ITPR3: variants seen among roughly 807,000 people sequenced by gnomAD.
ITPR3 encodes the protein inositol 1,4,5-trisphosphate-gated calcium channel ITPR3.
In ITPR3, 173 loss-of-function variants were observed where a neutral mutation model predicts 293.2. That is an observed-to-expected ratio of 0.59 (90% CI 0.52 to 0.67). ITPR3 has a LOEUF of 0.67. Among genes scored for constraint, ITPR3 ranks in the 30% least tolerant of loss-of-function variants. ITPR3 has a pLI of 0.00. For missense variants in ITPR3, 2,796 were observed against 3,592.1 expected (o/e 0.78, Z 5.66); for synonymous variants, 1,295 against 1,444.4 (o/e 0.90, Z 2.35).
At chr6:33,630,886 T>C (rs1447131094) in intron 1 of ITPR3, among the ~76,000 whole-genome samples, 1 of 152,260 alleles carries the variant, frequency 6.6e-6, no homozygotes, top group Non-Finnish European at 1.5e-5. Flanking sequence ...CAGGGTGGAT[T>C]CTTGGTAAAG....
chr6:33,684,497 G>A lies in ITPR3; in HGVS notation c.5046+32G>A. 1.9e-6 allele frequency: 3 copies of A among 1,606,772 alleles called. No individual in the cohort carries two copies. Among genetic ancestry groups the A allele is most frequent in the South Asian group, 1.1e-5 (1 of 90,916 alleles). On this transcript the variant is annotated intron_variant, in intron 37 of 57. Coordinates refer to ENST00000605930, the MANE Select transcript of ITPR3 (RefSeq NM_002224.4). This position sits in a 1 kb window ranked among gnomAD's most constrained non-coding sequence, Gnocchi z 4.2. ...GCCCTGGTGGGGCAAGTGCTGGGTGGGCCAGTCAGGAGTACCCAGGGGCTC... is the reference window on the plus strand; with the variant it reads ...GCCCTGGTGGGGCAAGTGCTGGGTGAGCCAGTCAGGAGTACCCAGGGGCTC...
intron 28 of ITPR3, 27 bp downstream of exon 28, chr6:33,677,656 CCCCAGGGTGGCTT>C (rs1764944665): frequency 6.2e-7 from 1 of 1,609,320 alleles, no homozygotes; most frequent in East Asian, 2.2e-5. Context: ...ACCTCTGACT[CCCCAGGGTGGCTT>C]CCCCCTGAAC....
intron 49 of ITPR3, 142 bp from the exon 50 acceptor site, chr6:33,689,096 T>G (rs1582166378): frequency 1.0e-6 from 1 of 977,092 alleles, no homozygotes. Flanking sequence ...GAGGCAGGTG[T>G]AATGGAGGAG....
At chr6:33,657,811 G>A in intron 3 of ITPR3, 121 bp from the exon 4 acceptor site, 1 of 754,818 alleles carries the variant, frequency 1.3e-6, no homozygotes. Context: ...GGAGTCCAGG[G>A]TGACTGTGTG....
Position 33,672,157 on chromosome 6 carries a change from A to G in ITPR3, c.2857A>G (p.Arg953Gly). 1 of 1,614,112 alleles carries G rather than the reference A, an allele frequency of 6.2e-7. No homozygotes were observed. The highest frequency in any genetic ancestry group is 8.5e-7 in the Non-Finnish European group (1 of 1,180,032). The part of the protein sequence containing the change: ...AGASAAEPLD[R>G]SKFEENEDIV... ...GGCCAGTGCTGCTGAGCCGCTGGACAGAAGCAAGTTTGAGGAGAATGAGGA... is the reference window on the plus strand; with the variant it reads ...GGCCAGTGCTGCTGAGCCGCTGGACGGAAGCAAGTTTGAGGAGAATGAGGA... The change falls in exon 22 of 58, where the codon AGA becomes GGA. Residue 953 changes from arginine to glycine, a missense_variant. Transcript: ENST00000605930. This position sits in a 1 kb window ranked among gnomAD's most constrained non-coding sequence, Gnocchi z 5.0.
intron 9 of ITPR3, 42 bp downstream of exon 9, chr6:33,663,048 T>C (rs1244294362): frequency 6.6e-7 from 1 of 1,523,756 alleles, no homozygotes; most frequent in Non-Finnish European, 9.0e-7. Context: ...CGTGTGTGCA[T>C]GTACACGTGG....
intron 1 of ITPR3, among the ~76,000 whole-genome samples, chr6:33,636,801 A>AG (rs1431421333): frequency 6.6e-6 from 1 of 152,040 alleles, no homozygotes. Flanking sequence ...GGTGCTTTTA[A>AG]GTTCATGAGT....
rs1765118792 is a variant in ITPR3, at chr6:33,683,003, A to C, written c.4598-204A>C. Reference sequence around the variant, plus strand: ...AGTCAGGGTAGAGCCGGGGGGAATCAAAGAGGCAGAAACTCCTTTTACCCA... The same window carrying C: ...AGTCAGGGTAGAGCCGGGGGGAATCCAAGAGGCAGAAACTCCTTTTACCCA... On this transcript the variant is annotated intron_variant, in intron 34 of 57. Transcript: ENST00000605930. The surrounding 1 kb of genome is among the most constrained non-coding windows in gnomAD (Gnocchi z 4.5). Among the ~76,000 whole-genome samples, 1 of 151,886 alleles carries C rather than the reference A, an allele frequency of 6.6e-6. No individual in the cohort carries two copies. The highest frequency in any genetic ancestry group is 1.5e-5 in the Non-Finnish European group (1 of 67,960).
At position 33,669,135 on chromosome 6, in the gene ITPR3, A is replaced by G. The variant is rs752645069; in HGVS notation, c.2168A>G (p.Glu723Gly). ...GCGCGGGCCGGCAACGCCCACGACG[A>G]GAATGTGCTCAGCTACTACAGGTGC... The part of the protein sequence containing the change: ...QEARAGNAHD[E>G]NVLSYYRYQL... The change falls in exon 18 of 58, where the codon GAG becomes GGG. Residue 723 changes from glutamate (E) to glycine (G), a missense_variant. This residue lies in a region of ITPR3 where 955 missense variants were observed against 1,180.8 expected (regional missense o/e 0.81). Coordinates refer to ENST00000605930, the MANE Select transcript of ITPR3 (RefSeq NM_002224.4). The G allele has an allele frequency of 3.7e-6, 6 of 1,613,842 alleles. No individual in the cohort carries two copies. The African/African-American group carries it at 8.0e-5, about 22-fold the overall frequency.
chr6:33,683,890 C>A lies in ITPR3; in HGVS notation c.4789-130C>A. The A allele has an allele frequency of 1.0e-6, 1 of 1,003,950 alleles. No homozygotes were observed. Among genetic ancestry groups the A allele is most frequent in the Non-Finnish European group, 1.4e-6 (1 of 692,092 alleles). 62.2% of individuals were successfully genotyped at this position (1,003,950 alleles called of 1,614,324 possible). ...ACATCACGCTGTGTTCAGGGTGTCT[C>A]TGTGGGTGTGGGCCCCTCAGACAGA... On this transcript the variant is annotated intron_variant, in intron 35 of 57. Coordinates refer to ENST00000605930, the MANE Select transcript of ITPR3 (RefSeq NM_002224.4). This position sits in a 1 kb window ranked among gnomAD's most constrained non-coding sequence, Gnocchi z 4.5.
intron 50 of ITPR3, 51 bp downstream of exon 50, chr6:33,689,461 C>A: frequency 6.3e-7 from 1 of 1,586,866 alleles, no homozygotes; most frequent in Non-Finnish European, 8.6e-7. Context: ...GCTCACTGTG[C>A]ATTCAGACGG....
intron 7 of ITPR3, among the ~76,000 whole-genome samples, chr6:33,661,422 C>T (rs1411009723): frequency 6.6e-6 from 1 of 152,182 alleles, no homozygotes; most frequent in African/African-American, 2.4e-5. Context: ...GTTGCATGAC[C>T]CTCGGCAGGA....
chr6:33,677,483 G>A (rs1458058910), intron 27 of ITPR3, 21 bp from the exon 28 acceptor site: 20 of 1,612,748 alleles, frequency 1.2e-5, no homozygotes, highest in Non-Finnish European at 1.7e-5. Context: ...AGGGGCTCTG[G>A]CTCACCCGCC....
At position 33,647,316 on chromosome 6, in the gene ITPR3, G is replaced by A. The variant is rs145720849; in HGVS notation, c.160+6762G>A. Among the ~76,000 whole-genome samples the A allele has an allele frequency of 1.2e-3, 178 of 152,284 alleles. 1 individual carries two copies. Among genetic ancestry groups the A allele is most frequent in the Admixed American group, 2.2e-3 (33 of 15,294 alleles). On this transcript the variant is annotated intron_variant, in intron 2 of 57. Coordinates refer to ENST00000605930, the MANE Select transcript of ITPR3 (RefSeq NM_002224.4). ...ATTGGGATTACAGGTGTGAGCCACT[G>A]TGCCTGGCAAAAGTCACTTATTTTT...
In ITPR3 at chr6:33,655,843, G is replaced by C. The variant is rs1764293382; in HGVS notation, c.238G>C (p.Asp80His). 6.2e-7 allele frequency: 1 copy of C among 1,613,992 alleles called. No individual in the cohort carries two copies. Among genetic ancestry groups the C allele is most frequent in the South Asian group, 1.1e-5 (1 of 91,086 alleles). Residue 80 changes from aspartate (D) to histidine (H), a missense_variant, in exon 3 of 58, where the codon GAC becomes CAC. Asp to His is a moderately conservative substitution (Grantham distance 81). Coordinates refer to ENST00000605930, the MANE Select transcript of ITPR3 (RefSeq NM_002224.4). The surrounding 1 kb of genome is among the most constrained non-coding windows in gnomAD (Gnocchi z 4.9). ...QYWKAKQTKQDKEKIADVVLL... is the reference protein window; with the variant it reads ...QYWKAKQTKQHKEKIADVVLL... The stretch of plus-strand genomic sequence containing the variant: ...CTGGAAGGCCAAGCAGACTAAGCAG[G>C]ACAAGGAGAAGATCGCTGATGTGGT...
In ITPR3 at chr6:33,667,283, A is replaced by G; in HGVS notation, c.1706A>G (p.Lys569Arg). The change falls in exon 15 of 58, where the codon AAG becomes AGG. Residue 569 changes from lysine (K) to arginine (R), a missense_variant. Physicochemically the swap from Lys to Arg is conservative, Grantham distance 26. This residue lies in a region of ITPR3 where 955 missense variants were observed against 1,180.8 expected (regional missense o/e 0.81). Coordinates refer to ENST00000605930, the MANE Select transcript of ITPR3 (RefSeq NM_002224.4). This position sits in a 1 kb window ranked among gnomAD's most constrained non-coding sequence, Gnocchi z 4.4. ...VLRHSQEDYR[K>R]NQEHIAKQFG... ...CGGCATTCCCAGGAGGACTACCGCA[A>G]GAACCAGGTGCGCCGCTGCCCTGCT... is the stretch of plus-strand genomic sequence containing the variant. 1.2e-6 allele frequency: 2 copies of G among 1,612,160 alleles called. No individual in the cohort carries two copies. Among genetic ancestry groups the G allele is most frequent in the South Asian group, 1.1e-5 (1 of 90,976 alleles).
Position 33,665,948 on chromosome 6 carries a change from T to C in ITPR3, c.1523T>C (p.Leu508Pro), listed in dbSNP as rs779581889. The C allele has an allele frequency of 2.9e-5, 47 of 1,613,000 alleles. No homozygotes were observed. Among genetic ancestry groups the C allele is most frequent in the Non-Finnish European group, 4.0e-5 (47 of 1,179,536 alleles). Residue 508 changes from leucine (L) to proline (P), a missense_variant, in exon 14 of 58, where the codon CTG becomes CCG. By Grantham distance (98) the Leu-to-Pro change is moderately conservative. Around this residue, in one of 8 missense-constraint regions of ITPR3, gnomAD observed 955 missense variants for 1,180.8 expected, o/e 0.81. Transcript: ENST00000605930. ...VTKPNRERQK[L>P]MREQNILKQV... Reference sequence around the variant, plus strand: ...AAGCCCAACCGGGAACGGCAGAAGCTGATGAGGGAGCAGAACATCCTCAAA... The same window carrying C: ...AAGCCCAACCGGGAACGGCAGAAGCCGATGAGGGAGCAGAACATCCTCAAA...
chr6:33,663,034 G>T lies in ITPR3; in HGVS notation c.954+28G>T, dbSNP rs1348943288. On this transcript the variant is annotated intron_variant, in intron 9 of 57. Transcript: ENST00000605930. ...GAGCGGGAGGTAGAGGGCATGCTGG[G>T]GCTCGTGTGTGCATGTACACGTGGG... is the stretch of plus-strand genomic sequence containing the variant. 1.9e-6 allele frequency: 3 copies of T among 1,566,666 alleles called. No homozygotes were observed. In the African/African-American group the frequency reaches 4.0e-5, roughly 21 times the overall value.
chr6:33,649,608 A>G (rs1461250202), intron 2 of ITPR3, among the ~76,000 whole-genome samples: 2 of 152,232 alleles, frequency 1.3e-5, no homozygotes, highest in African/African-American at 4.8e-5. Flanking sequence ...GTTTTGTTCT[A>G]TAGGTTGAGT....
Sources: allele counts gnomAD v4.1 joint callset (sites outside exome capture counted in the v4.1 genomes callset), GRCh38; gene constraint gnomAD v4.1.1; regional missense constraint gnomAD v4.1.1; non-coding constraint Gnocchi (gnomAD v3.1); transcripts MANE v1.5; gene names NCBI Gene and HGNC (gene_info 2026-07-23, HGNC 2026-07-21).